The following GATM variants were observed in gnomAD, a reference collection of about 807,000 sequenced individuals.
The protein encoded by GATM is glycine amidinotransferase, mitochondrial.
In GATM, 23 loss-of-function variants were observed where a neutral mutation model predicts 54.2. The observed-to-expected ratio is 0.42, with a 90% CI of 0.31 to 0.60. GATM has a LOEUF of 0.60. GATM is among the 20% of genes least tolerant of loss of function. The probability of loss-of-function intolerance (pLI) is 0.14; values close to 1 mark genes in which losing one functional copy is unlikely to be tolerated. For missense variants in GATM, 401 were observed against 544.9 expected, an observed-to-expected ratio of 0.74 and a Z score of 2.63; for synonymous variants, 168 against 183.1, an observed-to-expected ratio of 0.92 and a Z score of 0.67.
Position 45,361,880 on chromosome 15 carries a change from C to G in GATM, c.*229G>C. ...GGTACACATTCACCAAAATTTTATACTTGAAGCCAAATAGTAAATAACTTT... is the reference window on the plus strand; with the variant it reads ...GGTACACATTCACCAAAATTTTATAGTTGAAGCCAAATAGTAAATAACTTT... On this transcript the variant is annotated 3_prime_UTR_variant, in exon 9 of 9. Transcript: ENST00000396659. The G allele has an allele frequency of 3.6e-6, 2 of 551,572 alleles. No individual in the cohort carries two copies. Among genetic ancestry groups the G allele is most frequent in the Non-Finnish European group, 6.4e-6 (2 of 312,058 alleles). 34.2% of individuals were successfully genotyped at this position (551,572 alleles called of 1,614,324 possible). A position where few individuals can be genotyped will look rare whatever the true frequency, so the allele number is the denominator to read the frequency against.
chr15:45,383,109 TAATC>T (rs1382369215), upstream of GATM, among the ~76,000 whole-genome samples: 3 of 152,194 alleles, frequency 2.0e-5, no homozygotes, highest in African/African-American at 7.2e-5. Context: ...CCAGAGTCCT[TAATC>T]AATTGTTCAA....
intron 3 of GATM, 114 bp downstream of exon 3, chr15:45,369,212 A>T: frequency 1.2e-6 from 1 of 815,230 alleles, no homozygotes; most frequent in Non-Finnish European, 2.1e-6. Flanking sequence ...AAAGTTTTCA[A>T]GAACTAGCAA....
chr15:45,366,410 G>A lies in GATM; in HGVS notation c.774C>T (p.Phe258=). 1 of 1,614,186 alleles carries A rather than the reference G, an allele frequency of 6.2e-7. No individual in the cohort carries two copies. The highest frequency in any genetic ancestry group is 2.2e-5 in the East Asian group (1 of 44,888). ...EFEPCFDAAD[F]IRAGRDIFAQ... ...CAAAAATATCTCTTCCAGCTCGAAT[G>A]AAGTCAGCAGCATCAAAGCATGGCT... is the stretch of plus-strand genomic sequence containing the variant. Residue 258 remains phenylalanine, a synonymous_variant, in exon 5 of 9, where the codon TTC becomes TTT. Coordinates refer to ENST00000396659, the MANE Select transcript of GATM (RefSeq NM_001482.3).
At chr15:45,392,187 T>C (rs1428193823) in intron 3 of GATM, among the ~76,000 whole-genome samples, 3 of 152,166 alleles carry the variant, frequency 2.0e-5, no homozygotes, top group Admixed American at 6.5e-5. Flanking sequence ...GGAACTGAAA[T>C]GGGCAGAAGG....
At chr15:45,384,829 C>G (rs1889787304) in intron 3 of GATM, among the ~76,000 whole-genome samples, 1 of 152,130 alleles carries the variant, frequency 6.6e-6, no homozygotes, top group Non-Finnish European at 1.5e-5. Flanking sequence ...CCACCTCAAA[C>G]TCCCAAGTAC....
At position 45,368,342 on chromosome 15, in the gene GATM, TGGCTCATGCC is replaced by T. The variant is rs1889483349; in HGVS notation, c.485-92_485-83del. ...AAGGTCTATATAGGGCCAGGCACAGTGGCTCATGCCTGTAATCCCACCACTTTGGGAGGCC... is the reference window on the plus strand; with the variant it reads ...AAGGTCTATATAGGGCCAGGCACAGTTGTAATCCCACCACTTTGGGAGGCC... On this transcript the variant is annotated intron_variant, in intron 3 of 8. Coordinates refer to ENST00000396659, the MANE Select transcript of GATM (RefSeq NM_001482.3). The surrounding 1 kb of genome is among the most constrained non-coding windows in gnomAD (Gnocchi z 5.1). The T allele has an allele frequency of 8.2e-7, 1 of 1,213,616 alleles. No homozygotes were observed. Among genetic ancestry groups the T allele is most frequent in the Non-Finnish European group, 1.2e-6 (1 of 835,366 alleles). The allele number at this position is 1,213,616 out of a possible 1,614,324, so 75.2% of individuals were successfully genotyped here.
At chr15:45,363,291 T>C (rs1889396916) in intron 8 of GATM, among the ~76,000 whole-genome samples, 1 of 152,142 alleles carries the variant, frequency 6.6e-6, no homozygotes, top group African/African-American at 2.4e-5. Flanking sequence ...CACCCCTTTA[T>C]AATAGCTCAT....
intron 3 of GATM, chr15:45,396,024 G>A (rs994024872): frequency 6.6e-6 from 1 of 152,172 alleles, no homozygotes; most frequent in Non-Finnish European, 1.5e-5. Context: ...TGTCCTTAAA[G>A]GGTTTAGAAA....
intron 2 of GATM, among the ~76,000 whole-genome samples, chr15:45,373,812 T>G (rs1438943304): frequency 6.6e-6 from 1 of 152,130 alleles, no homozygotes; most frequent in East Asian, 1.9e-4. Context: ...TTCTTCTCCC[T>G]CAAAACCAGG....
At chr15:45,365,925 G>A in intron 6 of GATM, 121 bp downstream of exon 6, 1 of 887,790 alleles carries the variant, frequency 1.1e-6, no homozygotes, top group Non-Finnish European at 1.9e-6. Context: ...TAATAATGTT[G>A]AGTACTGCTG....
chr15:45,368,455 C>T lies in GATM; in HGVS notation c.485-195G>A, dbSNP rs576583244. 1.3e-4 allele frequency among the ~76,000 whole-genome samples: 19 copies of T among 151,828 alleles called. No individual in the cohort carries two copies. Among genetic ancestry groups the T allele is most frequent in the South Asian group, 8.3e-4 (4 of 4,814 alleles). On this transcript the variant is annotated intron_variant, in intron 3 of 8. Coordinates refer to ENST00000396659, the MANE Select transcript of GATM (RefSeq NM_001482.3). The surrounding 1 kb of genome is among the most constrained non-coding windows in gnomAD (Gnocchi z 5.1). ...AAGCCCCATCTCTACTAAAAGAATACGAAAACAATTAGCCAGGCATGGTGG... is the reference window on the plus strand; with the variant it reads ...AAGCCCCATCTCTACTAAAAGAATATGAAAACAATTAGCCAGGCATGGTGG...
chr15:45,362,307 C>G, intron 8 of GATM, 86 bp from the exon 9 acceptor site: 1 of 815,146 alleles, frequency 1.2e-6, no homozygotes, highest in South Asian at 1.4e-5. Context: ...TTGGAGGAGT[C>G]CTGTGGTTCT....
At chr15:45,388,498 G>A (rs755002090) in intron 3 of GATM, among the ~76,000 whole-genome samples, 3 of 152,072 alleles carry the variant, frequency 2.0e-5, no homozygotes, top group African/African-American at 4.8e-5. Flanking sequence ...TCCAATCCAG[G>A]ATACCACACT....
At chr15:45,387,819 C>T (rs1889820244) in intron 3 of GATM, among the ~76,000 whole-genome samples, 1 of 152,098 alleles carries the variant, frequency 6.6e-6, no homozygotes, top group Admixed American at 6.5e-5. Flanking sequence ...TGGCCCAAGG[C>T]TAAATGATTC....
chr15:45,365,645 C>A (rs1378310320), intron 6 of GATM, among the ~76,000 whole-genome samples: 1 of 152,182 alleles, frequency 6.6e-6, no homozygotes, highest in Non-Finnish European at 1.5e-5. Flanking sequence ...AGGGAGGCTA[C>A]CCCACTGTAG....
chr15:45,369,695 G>GTC, intron 2 of GATM, 174 bp from the exon 3 acceptor site: 1 of 640,986 alleles, frequency 1.6e-6, no homozygotes, highest in Non-Finnish European at 2.8e-6. Flanking sequence ...CAGACACTCA[G>GTC]TATCTGTTGA....
intron 7 of GATM, chr15:45,364,555 A>T: frequency 4.3e-6 from 2 of 463,154 alleles, no homozygotes; most frequent in Non-Finnish European, 3.9e-6. Flanking sequence ...AAAAAGTCAT[A>T]TCTTGCTTTA....
chr15:45,375,401 C>T (rs538125505), intron 2 of GATM, among the ~76,000 whole-genome samples: 1 of 152,270 alleles, frequency 6.6e-6, no homozygotes, highest in African/African-American at 2.4e-5. Context: ...AGAGATATTA[C>T]TTGTTGCCAG....
At chr15:45,398,870 A>C (rs1356599244) in intron 2 of GATM, among the ~76,000 whole-genome samples, 1 of 152,178 alleles carries the variant, frequency 6.6e-6, no homozygotes, top group Non-Finnish European at 1.5e-5. Flanking sequence ...TTTCATATAC[A>C]GGAATATATT....
Sources: gnomAD v4.1 joint callset for allele counts (sites outside exome capture counted in the v4.1 genomes callset) on GRCh38, gnomAD v4.1.1 for gene constraint, Gnocchi (gnomAD v3.1) non-coding constraint, MANE v1.5 for transcripts, NCBI Gene and HGNC (gene_info 2026-07-23, HGNC 2026-07-21) for gene names.